The following SLC38A10 variants were observed in gnomAD, a reference collection of about 807,000 sequenced individuals.
SLC38A10 encodes solute carrier family 38 member 10.
In SLC38A10, 53 loss-of-function variants were observed where a neutral mutation model predicts 81.0. The ratio of observed to expected loss-of-function variants is 0.65; its 90% CI spans 0.53 to 0.82. The LOEUF is 0.82. SLC38A10 is among the 40% of genes least tolerant of loss of function. SLC38A10 has a pLI of 0.00. For synonymous variants in SLC38A10, 665 were observed against 655.3 expected (o/e 1.01, Z -0.23); for missense variants, 1,471 against 1,545.0 (o/e 0.95, Z 0.80).
rs1039765553 is a variant in SLC38A10 at position 81,289,477 on chromosome 17, A to C, written c.217+214T>G. On this transcript the variant is annotated intron_variant, in intron 2 of 15. Transcript: ENST00000374759. The surrounding 1 kb of genome is among the most constrained non-coding windows in gnomAD (Gnocchi z 5.9). ...CACCTCAGACTCCTAGGCTCAGGTG[A>C]TCCTCCCACCTCAGCCTCCCAAATA... Among the ~76,000 whole-genome samples, 1 of 151,878 alleles carries C rather than the reference A, an allele frequency of 6.6e-6. No homozygotes were observed.
At chr17:81,262,241 G>A (rs1345958229) in intron 10 of SLC38A10, among the ~76,000 whole-genome samples, 2 of 152,178 alleles carry the variant, frequency 1.3e-5, no homozygotes. Context: ...CTACGCCAGA[G>A]CTGCCCCGGG....
At position 81,245,737 on chromosome 17, in the gene SLC38A10, G is replaced by A. The variant is rs750636855; in HGVS notation, c.3179C>T (p.Ala1060Val). ...RRRRRDLGPH[A>V]EGQLAPRDGV... Reference sequence around the variant, plus strand: ...ATCCCTCGGGGCCAGCTGACCCTCTGCATGAGGGCCAAGGTCCCGCCGTCG... The same window carrying A: ...ATCCCTCGGGGCCAGCTGACCCTCTACATGAGGGCCAAGGTCCCGCCGTCG... Residue 1060 changes from alanine (A) to valine (V), a missense_variant, in exon 16 of 16, where the codon GCA becomes GTA. By Grantham distance (64) the Ala-to-Val change is moderately conservative. This residue lies in a region of SLC38A10 where 751 missense variants were observed against 717.4 expected (regional missense o/e 1.05). Coordinates refer to ENST00000374759, the MANE Select transcript of SLC38A10 (RefSeq NM_001037984.3). 3 of 1,596,606 alleles carry A rather than the reference G, an allele frequency of 1.9e-6. No homozygotes were observed. The highest frequency in any genetic ancestry group is 2.2e-5 in the East Asian group (1 of 44,452).
chr17:81,278,503 T>A (rs2063181230), intron 6 of SLC38A10, among the ~76,000 whole-genome samples: 1 of 152,110 alleles, frequency 6.6e-6, no homozygotes, highest in South Asian at 2.1e-4. Flanking sequence ...TGGAGTGCCA[T>A]CAGCAGCAGT....
intron 8 of SLC38A10, among the ~76,000 whole-genome samples, chr17:81,275,312 G>A (rs984228283): frequency 6.6e-5 from 10 of 152,106 alleles, no homozygotes; most frequent in Admixed American, 2.0e-4. Flanking sequence ...ACACAACCTC[G>A]CCTCAGCCTC....
At position 81,245,944 on chromosome 17, in the gene SLC38A10, C is replaced by T. The variant is rs1297576125; in HGVS notation, c.2972G>A (p.Gly991Glu). 2 of 1,606,594 alleles carry T rather than the reference C, an allele frequency of 1.2e-6. No homozygotes were observed. The highest frequency in any genetic ancestry group is 1.3e-5 in the African/African-American group (1 of 74,814). ...CTCGTGGGACACAGGCACATGGTCC[C>T]CCCCGCGGGCCTTTCTCATCTCCAG... is the stretch of plus-strand genomic sequence containing the variant. ...GHLEMRKARG[G>E]DHVPVSHEQP... Residue 991 changes from glycine (G) to glutamate (E), a missense_variant, in exon 16 of 16, where the codon GGG becomes GAG. Gly to Glu is a moderately conservative substitution (Grantham distance 98). Transcript: ENST00000374759.
intron 1 of SLC38A10, among the ~76,000 whole-genome samples, chr17:81,294,244 A>G (rs909263267): frequency 6.6e-6 from 1 of 152,120 alleles, no homozygotes; most frequent in African/African-American, 2.4e-5. Context: ...TTGGTCAGGC[A>G]GTTCTCGAAC....
Position 81,275,098 on chromosome 17 carries a change from G to A in SLC38A10, c.912+871C>T, listed in dbSNP as rs139500302. Among the ~76,000 whole-genome samples, 912 of 152,272 alleles carry A rather than the reference G, an allele frequency of 6.0e-3. 6 individuals are homozygous for A. The highest frequency in any genetic ancestry group is 0.011 in the Non-Finnish European group (725 of 68,022). On this transcript the variant is annotated intron_variant, in intron 8 of 15. Coordinates refer to ENST00000374759, the MANE Select transcript of SLC38A10 (RefSeq NM_001037984.3). ...TTTTTGTTAATTTTTTGTAAAGATG[G>A]AGTCAAGTGATGTTGCCCAGGCTAG... is the stretch of plus-strand genomic sequence containing the variant.
intron 2 of SLC38A10, among the ~76,000 whole-genome samples, chr17:81,287,133 T>C (rs867136989): frequency 3.2e-4 from 49 of 151,458 alleles, no homozygotes; most frequent in Middle Eastern, 3.4e-3. Flanking sequence ...CAGGGAAATA[T>C]ACAAACACCA....
At chr17:81,250,970 C>G in intron 14 of SLC38A10, 9 of 1,322,800 alleles carry the variant, frequency 6.8e-6, no homozygotes, top group Non-Finnish European at 8.7e-6. Flanking sequence ...TGAACACAGC[C>G]GAGCTCCGAG....
chr17:81,279,514 C>T (rs2063190408), intron 6 of SLC38A10, among the ~76,000 whole-genome samples: 1 of 152,184 alleles, frequency 6.6e-6, no homozygotes, highest in Admixed American at 6.5e-5. Context: ...GCGGCCAGCA[C>T]AAGGAGGGAT....
At chr17:81,292,110 C>CTAGATA (rs976585363) in intron 1 of SLC38A10, among the ~76,000 whole-genome samples, 9 of 151,604 alleles carry the variant, frequency 5.9e-5, no homozygotes, top group African/African-American at 1.2e-4. Context: ...CTATATCTAT[C>CTAGATA]TAGATATAGA....
intron 11 of SLC38A10, among the ~76,000 whole-genome samples, chr17:81,259,714 G>A (rs773439926): frequency 6.6e-6 from 1 of 152,158 alleles, no homozygotes. Context: ...TGCCACAGAC[G>A]GAGGGTCGAG....
At chr17:81,263,261 TGGGACAAGGGC>T (rs2063039500) in intron 10 of SLC38A10, 1 of 152,292 alleles carries the variant, frequency 6.6e-6, no homozygotes, top group South Asian at 2.1e-4. Flanking sequence ...ATCTTTGGGC[TGGGACAAGGGC>T]GGGACAATTC....
At chr17:81,285,948 C>A (rs2063262990) in intron 2 of SLC38A10, among the ~76,000 whole-genome samples, 1 of 152,210 alleles carries the variant, frequency 6.6e-6, no homozygotes, top group East Asian at 1.9e-4. Flanking sequence ...CTCACCCTGG[C>A]CTTTCCTGGA....
Position 81,266,415 on chromosome 17 carries a change from C to T in SLC38A10, c.1131+4503G>A, listed in dbSNP as rs374220677. On this transcript the variant is annotated intron_variant, in intron 10 of 15. Coordinates refer to ENST00000374759, the MANE Select transcript of SLC38A10 (RefSeq NM_001037984.3). ...CGGGCGGATCATGAGGTCAGGAGATCGAGACCATCCTGGCTAACATAGTGA... is the reference window on the plus strand; with the variant it reads ...CGGGCGGATCATGAGGTCAGGAGATTGAGACCATCCTGGCTAACATAGTGA... Among the ~76,000 whole-genome samples the T allele has an allele frequency of 3.4e-4, 51 of 152,128 alleles. 1 individual carries two copies. The East Asian group carries it at 4.6e-3, about 14-fold the overall frequency.
At chr17:81,258,707 C>T (rs1480993086) in intron 11 of SLC38A10, among the ~76,000 whole-genome samples, 1 of 152,216 alleles carries the variant, frequency 6.6e-6, no homozygotes, top group African/African-American at 2.4e-5. Flanking sequence ...GAGGCCTGGA[C>T]AGCAGTAAGT....
chr17:81,255,593 C>A (rs1159025346), intron 11 of SLC38A10, among the ~76,000 whole-genome samples: 1 of 152,216 alleles, frequency 6.6e-6, no homozygotes, highest in Non-Finnish European at 1.5e-5. Context: ...CCCGGCTAAG[C>A]CACAGTAGAG....
chr17:81,259,722 G>A (rs1297385100), intron 11 of SLC38A10, among the ~76,000 whole-genome samples: 1 of 152,102 alleles, frequency 6.6e-6, no homozygotes, highest in Non-Finnish European at 1.5e-5. Context: ...ACGGAGGGTC[G>A]AGGTTACAGG....
At chr17:81,267,299 A>G (rs1241055030) in intron 10 of SLC38A10, among the ~76,000 whole-genome samples, 2 of 152,230 alleles carry the variant, frequency 1.3e-5, no homozygotes, top group Admixed American at 6.5e-5. Context: ...ATACAGGTAG[A>G]TCAAAGATTT....
Sources: allele counts gnomAD v4.1 joint callset (sites outside exome capture counted in the v4.1 genomes callset), GRCh38; gene constraint gnomAD v4.1.1; regional missense constraint gnomAD v4.1.1; non-coding constraint Gnocchi (gnomAD v3.1); transcripts MANE v1.5; gene names NCBI Gene and HGNC (gene_info 2026-07-23, HGNC 2026-07-21).